Variants in COBLL1 observed in about 807,000 individuals in gnomAD.
The protein encoded by COBLL1 is cordon-bleu WH2 repeat protein like 1, also known as cordon-bleu protein-like 1.
In COBLL1, 50 loss-of-function variants were observed where a neutral mutation model predicts 94.8. That is an observed-to-expected ratio of 0.53 (90% CI 0.42 to 0.67). COBLL1 has a LOEUF of 0.67. COBLL1 is among the 30% of genes least tolerant of loss of function. The probability of loss-of-function intolerance (pLI) is 0.00; values close to 1 mark genes in which losing one functional copy is unlikely to be tolerated. For missense variants in COBLL1, 1,362 were observed against 1,348.7 expected, an observed-to-expected ratio of 1.01 and a Z score of -0.15; for synonymous variants, 448 against 473.8, an observed-to-expected ratio of 0.95 and a Z score of 0.71.
At chr2:164,755,861 T>A (rs1404738011) in intron 2 of COBLL1, among the ~76,000 whole-genome samples, 13 of 152,212 alleles carry the variant, frequency 8.5e-5, no homozygotes, top group Admixed American at 8.5e-4. Flanking sequence ...ATATAAAAAA[T>A]CACTATGCTG....
chr2:164,659,043 T>C (rs1442864994), intron 2 of COBLL1, among the ~76,000 whole-genome samples: 1 of 152,174 alleles, frequency 6.6e-6, no homozygotes, highest in Non-Finnish European at 1.5e-5. Context: ...GGCTTCCTGA[T>C]GTTTGATAGG....
At chr2:164,766,563 C>G (rs1194556342) in intron 2 of COBLL1, among the ~76,000 whole-genome samples, 1 of 152,194 alleles carries the variant, frequency 6.6e-6, no homozygotes, top group Non-Finnish European at 1.5e-5. Flanking sequence ...TCCCTAGAAT[C>G]TGAGCAGATG....
chr2:164,814,485 A>G (rs1281959070), intron 2 of COBLL1, among the ~76,000 whole-genome samples: 1 of 152,210 alleles, frequency 6.6e-6, no homozygotes, highest in Admixed American at 6.5e-5. Context: ...TGACACATAG[A>G]TGTTTAATAA....
At chr2:164,678,247 A>C (rs144495319), downstream of COBLL1, among the ~76,000 whole-genome samples, 2 of 152,176 alleles carry the variant, frequency 1.3e-5, no homozygotes, top group Admixed American at 1.3e-4. Context: ...GGTGCAGTAT[A>C]CACATTTTGA....
rs368932917 is a variant in COBLL1, at chr2:164,694,385, G to A, written c.3007C>T (p.Arg1003Cys). Residue 1003 changes from arginine to cysteine, a missense_variant, in exon 12 of 14, where the codon CGC becomes TGC. By Grantham distance (180) the Arg-to-Cys change is radical (BLOSUM62 -3). Coordinates refer to ENST00000652658, the MANE Select transcript of COBLL1 (RefSeq NM_001365672.2). ...GCACTGGCACTAGGTGACTCGGTGC[G>A]CTCTTTACTGAAAGACTGTGACCTT... ...VKRSQSFSKE[R>C]TESPSASALV... is the part of the protein sequence containing the mutation. 1.5e-5 allele frequency: 24 copies of A among 1,613,830 alleles called. No homozygotes were observed. Among genetic ancestry groups the A allele is most frequent in the Middle Eastern group, 1.6e-4 (1 of 6,084 alleles).
intron 2 of COBLL1, among the ~76,000 whole-genome samples, chr2:164,758,574 T>G (rs1435015966): frequency 6.6e-6 from 1 of 152,080 alleles, no homozygotes; most frequent in African/African-American, 2.4e-5. Context: ...TTGTGTTTGT[T>G]GCCTTGCAAG....
In COBLL1 at chr2:164,694,872, T is replaced by G. The variant is rs1683831221; in HGVS notation, c.2520A>C (p.Pro840=). The change falls in exon 12 of 14, where the codon CCA becomes CCC. Residue 840 remains proline (P), a synonymous_variant. Coordinates refer to ENST00000652658, the MANE Select transcript of COBLL1 (RefSeq NM_001365672.2). The part of the protein sequence containing the change: ...TRDTGTAPFA[P]NLEEINNILE... ...AAATATTGTTTATTTCTTCCAAATTTGGTGCAAAAGGAGCTGTGCCAGTGT... is the reference window on the plus strand; with the variant it reads ...AAATATTGTTTATTTCTTCCAAATTGGGTGCAAAAGGAGCTGTGCCAGTGT... 6.2e-7 allele frequency: 1 copy of G among 1,613,990 alleles called. No individual in the cohort carries two copies. Among genetic ancestry groups the G allele is most frequent in the African/African-American group, 1.3e-5 (1 of 75,026 alleles).
intron 2 of COBLL1, among the ~76,000 whole-genome samples, chr2:164,754,739 A>G (rs1574525734): frequency 6.6e-6 from 1 of 152,226 alleles, no homozygotes. Flanking sequence ...CTTGTTTTAC[A>G]CAGAAGTCTA....
chr2:164,820,006 T>TA (rs1553482337), intron 2 of COBLL1, among the ~76,000 whole-genome samples: 2,782 of 144,252 alleles, frequency 0.019, 34 homozygotes, highest in Middle Eastern at 0.052. Context: ...TTTTTTTTTT[T>TA]AATTTTTAGT....
upstream of COBLL1, chr2:164,842,019 A>AT: frequency 6.5e-7 from 1 of 1,539,266 alleles, no homozygotes; most frequent in Non-Finnish European, 8.7e-7. Flanking sequence ...ACGGCCGCAC[A>AT]TAAGTGGGGA....
Position 164,841,471 on chromosome 2 carries a change from T to A in COBLL1, c.-50-225A>T. The A allele has an allele frequency of 8.8e-7, 1 of 1,133,566 alleles. No individual in the cohort carries two copies. 70.2% of individuals were successfully genotyped at this position (1,133,566 alleles called of 1,614,324 possible). A position where few individuals can be genotyped will look rare whatever the true frequency, so the allele number is the denominator to read the frequency against. ...AGCACGGCGGAGGAGGCGGTGGCGC[T>A]GCAGCCCCCGCCCCGTGGGGTTTAC... On this transcript the variant is annotated intron_variant, in intron 1 of 13. Transcript: ENST00000652658. The surrounding 1 kb of genome is among the most constrained non-coding windows in gnomAD (Gnocchi z 5.5).
At chr2:164,669,027 C>T (rs78851851) in intron 1 of COBLL1, among the ~76,000 whole-genome samples, 10 of 152,348 alleles carry the variant, frequency 6.6e-5, no homozygotes, top group African/African-American at 2.2e-4. Flanking sequence ...ACCAATTTAT[C>T]CTGTCCTTAG....
chr2:164,723,133 C>A (rs1685540882), intron 5 of COBLL1: 1 of 152,184 alleles, frequency 6.6e-6, no homozygotes, highest in African/African-American at 2.4e-5. Context: ...GTGCTGTCTG[C>A]ATTTACTGGG....
intron 2 of COBLL1, among the ~76,000 whole-genome samples, chr2:164,825,014 A>C (rs998616337): frequency 3.9e-5 from 6 of 152,194 alleles, no homozygotes; most frequent in Non-Finnish European, 8.8e-5. Flanking sequence ...ACATGACCCC[A>C]GACAAGTCAT....
At chr2:164,695,927 G>A (rs1683922573) in intron 11 of COBLL1, 91 bp from the exon 12 acceptor site, 1 of 1,033,722 alleles carries the variant, frequency 9.7e-7, no homozygotes, top group African/African-American at 1.6e-5. Flanking sequence ...GAAATAGTTT[G>A]GTTTGAATTC....
At chr2:164,755,714 T>C (rs1469898680) in intron 2 of COBLL1, among the ~76,000 whole-genome samples, 1 of 152,204 alleles carries the variant, frequency 6.6e-6, no homozygotes, top group Non-Finnish European at 1.5e-5. Flanking sequence ...CAGGATTCTT[T>C]AAATTTAATT....
Position 164,694,455 on chromosome 2 carries a change from T to C in COBLL1, c.2937A>G (p.Pro979=), listed in dbSNP as rs1024958772. Reference sequence around the variant, plus strand: ...ACGGTGAAGGACCAGAACTTGAGTATGGTCGTGGGGCACCAAAAGTTTTCA... The same window carrying C: ...ACGGTGAAGGACCAGAACTTGAGTACGGTCGTGGGGCACCAAAAGTTTTCA... ...KTLKTFGAPR[P]YSSSGPSPFA... Residue 979 remains proline, a synonymous_variant, in exon 12 of 14, where the codon CCA becomes CCG. Coordinates refer to ENST00000652658, the MANE Select transcript of COBLL1 (RefSeq NM_001365672.2). 1 of 1,613,840 alleles carries C rather than the reference T, an allele frequency of 6.2e-7. No individual in the cohort carries two copies. Among genetic ancestry groups the C allele is most frequent in the Non-Finnish European group, 8.5e-7 (1 of 1,179,956 alleles).
chr2:164,789,994 A>T (rs989610559), intron 2 of COBLL1, among the ~76,000 whole-genome samples: 1 of 152,238 alleles, frequency 6.6e-6, no homozygotes, highest in African/African-American at 2.4e-5. Context: ...ATTCAAATAC[A>T]TTAAGGGAAA....
At chr2:164,727,688 C>A (rs1247722203) in intron 5 of COBLL1, among the ~76,000 whole-genome samples, 51 of 137,122 alleles carry the variant, frequency 3.7e-4, no homozygotes, top group African/African-American at 3.7e-4. Flanking sequence ...TAAATCCTAC[C>A]AAAAAAAAAA....
Sources: allele counts gnomAD v4.1 joint callset (sites outside exome capture counted in the v4.1 genomes callset), GRCh38; gene constraint gnomAD v4.1.1; non-coding constraint Gnocchi (gnomAD v3.1); transcripts MANE v1.5; gene names NCBI Gene and HGNC (gene_info 2026-07-23, HGNC 2026-07-21).